Variants in DIPK1C observed in about 807,000 individuals in gnomAD.
The protein encoded by DIPK1C is familial non-conventional Alzheimer's dementia.
In DIPK1C, 33 loss-of-function variants were observed where a neutral mutation model predicts 28.0. The ratio of observed to expected loss-of-function variants is 1.18; its 90% CI spans 0.89 to 1.58. DIPK1C has a LOEUF of 1.58. Ranked by LOEUF, DIPK1C falls within the 40% of genes most tolerant of loss-of-function variation. The pLI is 0.00. For synonymous variants in DIPK1C, 255 were observed against 248.8 expected, an observed-to-expected ratio of 1.02 and a Z score of -0.23; for missense variants, 569 against 568.5, an observed-to-expected ratio of 1.00 and a Z score of -0.01.
At position 74,437,064 on chromosome 18, in the gene DIPK1C, C is replaced by T. The variant is rs191950740; in HGVS notation, c.1042-345G>A. 2.0e-5 allele frequency among the ~76,000 whole-genome samples: 3 copies of T among 152,288 alleles called. No homozygotes were observed. The East Asian group carries it at 5.8e-4, about 29-fold the overall frequency. ...GAGGAAGGGAAGCAGAAGTCACAGACAGTCACTGCTGCAGAAGGAGTTGGT... is the reference window on the plus strand; with the variant it reads ...GAGGAAGGGAAGCAGAAGTCACAGATAGTCACTGCTGCAGAAGGAGTTGGT... On this transcript the variant is annotated intron_variant, in intron 3 of 3. Transcript: ENST00000343998.
At chr18:74,457,331 C>T (rs1000747033), upstream of DIPK1C, 16 of 959,650 alleles carry the variant, frequency 1.7e-5, no homozygotes, top group African/African-American at 2.6e-4. Flanking sequence ...AGCTGCTCCG[C>T]GGCTCAGGCC....
intron 2 of DIPK1C, among the ~76,000 whole-genome samples, chr18:74,443,043 T>A (rs1041571916): frequency 2.0e-5 from 3 of 151,908 alleles, no homozygotes; most frequent in Non-Finnish European, 2.9e-5. Flanking sequence ...GACGACAAAG[T>A]GGGGGAAATA....
At chr18:74,462,001 A>G (rs1284126729), upstream of DIPK1C, among the ~76,000 whole-genome samples, 1 of 152,210 alleles carries the variant, frequency 6.6e-6, no homozygotes, top group Non-Finnish European at 1.5e-5. Flanking sequence ...GGCTCAAGGG[A>G]TCCTCCTGCC....
intron 1 of DIPK1C, among the ~76,000 whole-genome samples, chr18:74,452,132 T>C (rs1345931005): frequency 2.0e-5 from 3 of 152,222 alleles, no homozygotes; most frequent in Non-Finnish European, 2.9e-5. Context: ...CAGTTTCTAC[T>C]GAATGCATCT....
At chr18:74,442,141 AT>A in intron 2 of DIPK1C, 25 bp from the exon 3 acceptor site, 1 of 1,612,448 alleles carries the variant, frequency 6.2e-7, no homozygotes, top group Middle Eastern at 1.7e-4. Context: ...GCACGGGGCT[AT>A]CAAAGGGCTA....
chr18:74,460,381 A>G (rs1253561470), upstream of DIPK1C, among the ~76,000 whole-genome samples: 1 of 152,242 alleles, frequency 6.6e-6, no homozygotes, highest in Non-Finnish European at 1.5e-5. Context: ...TTGTTTTTAA[A>G]GCATACCATA....
upstream of DIPK1C, chr18:74,457,403 T>G (rs1446242898): frequency 1.8e-6 from 1 of 567,302 alleles, no homozygotes; most frequent in Admixed American, 6.4e-5. Context: ...GCCCCGCGCC[T>G]GGGGCGGAGG....
intron 1 of DIPK1C, among the ~76,000 whole-genome samples, chr18:74,453,448 G>A (rs1317426362): frequency 6.6e-6 from 1 of 152,208 alleles, no homozygotes; most frequent in African/African-American, 2.4e-5. Flanking sequence ...ATTCGCTGCT[G>A]AGAAATCTCT....
intron 3 of DIPK1C, among the ~76,000 whole-genome samples, chr18:74,441,259 A>T (rs9949663): frequency 6.6e-6 from 1 of 152,018 alleles, no homozygotes; most frequent in African/African-American, 2.4e-5. Context: ...CAACCAGGCC[A>T]TGGGGAAGGT....
chr18:74,452,997 T>C (rs1406723134), intron 1 of DIPK1C, among the ~76,000 whole-genome samples: 1 of 152,246 alleles, frequency 6.6e-6, no homozygotes, highest in Non-Finnish European at 1.5e-5. Flanking sequence ...TAAAGTCTCA[T>C]TGCAGCTAAC....
intron 3 of DIPK1C, among the ~76,000 whole-genome samples, chr18:74,441,538 G>T (rs1165835171): frequency 6.6e-6 from 1 of 152,192 alleles, no homozygotes; most frequent in African/African-American, 2.4e-5. Context: ...TGGCCTGTCT[G>T]GATGGTGGTT....
intron 1 of DIPK1C, among the ~76,000 whole-genome samples, chr18:74,451,997 C>A (rs1460332874): frequency 6.6e-6 from 1 of 152,316 alleles, no homozygotes; most frequent in South Asian, 2.1e-4. Flanking sequence ...CTTACGTCAG[C>A]CTATGGCAGG....
Position 74,446,864 on chromosome 18 carries a change from G to A in DIPK1C, c.618C>T (p.Ser206=). The A allele has an allele frequency of 4.6e-6, 7 of 1,517,530 alleles. No homozygotes were observed. The highest frequency in any genetic ancestry group is 6.2e-6 in the Non-Finnish European group (7 of 1,128,356). 94.0% of individuals were successfully genotyped at this position (1,517,530 alleles called of 1,614,324 possible). The stretch of plus-strand genomic sequence containing the variant: ...AACCCAGCACGGGCAGCACGTGTGG[G>A]CTCAGGTCCTGCAGCAGGCTGAAGT... ...YVYFSLLQDL[S]PHVLPVLGSC... The change falls in exon 2 of 4, where the codon AGC becomes AGT. Residue 206 remains serine, a synonymous_variant. Coordinates refer to ENST00000343998, the MANE Select transcript of DIPK1C (RefSeq NM_001044369.3).
chr18:74,438,638 A>G (rs1443764475), intron 3 of DIPK1C, among the ~76,000 whole-genome samples: 1 of 152,186 alleles, frequency 6.6e-6, no homozygotes, highest in African/African-American at 2.4e-5. Flanking sequence ...TGAATGGTCA[A>G]GTTTATATTT....
At position 74,442,031 on chromosome 18, in the gene DIPK1C, C is replaced by T; in HGVS notation, c.962G>A (p.Cys321Tyr). The change falls in exon 3 of 4, where the codon TGC (cysteine) becomes TAC (tyrosine). Residue 321 changes from cysteine (C) to tyrosine (Y), a missense_variant. Transcript: ENST00000343998. ...LEQNCTGDED[C>Y]NFFDCFSRCD... is the part of the protein sequence containing the mutation. ...TCTTGAAAAACAGTCAAAGAAATTGCAGTCTTCATCTCCTGTGCAGTTTTG... is the reference window on the plus strand; with the variant it reads ...TCTTGAAAAACAGTCAAAGAAATTGTAGTCTTCATCTCCTGTGCAGTTTTG... 1 of 1,614,140 alleles carries T rather than the reference C, an allele frequency of 6.2e-7. No individual in the cohort carries two copies. The highest frequency in any genetic ancestry group is 8.5e-7 in the Non-Finnish European group (1 of 1,180,018).
At chr18:74,458,369 G>C (rs570094336), upstream of DIPK1C, among the ~76,000 whole-genome samples, 1 of 152,262 alleles carries the variant, frequency 6.6e-6, no homozygotes, top group South Asian at 2.1e-4. Flanking sequence ...CACATGACCC[G>C]TTCCCGAGTT....
chr18:74,445,852 G>A (rs1193733264), intron 2 of DIPK1C, among the ~76,000 whole-genome samples: 1 of 152,236 alleles, frequency 6.6e-6, no homozygotes, highest in Non-Finnish European at 1.5e-5. Flanking sequence ...GACTGGCACA[G>A]CGTGAGGGCA....
the DIPK1C span, among the ~76,000 whole-genome samples, chr18:74,463,566 T>A: frequency 6.6e-6 from 1 of 152,128 alleles, no homozygotes; most frequent in Non-Finnish European, 1.5e-5. Context: ...TGATGCTTGA[T>A]GCTACTCCTT....
chr18:74,456,711 T>C (rs1986522476), intron 1 of DIPK1C, among the ~76,000 whole-genome samples: 1 of 152,124 alleles, frequency 6.6e-6, no homozygotes, highest in African/African-American at 2.4e-5. Context: ...CCCGGCGGCC[T>C]GACACCGGAC....
Sources: gnomAD v4.1 joint callset for allele counts (sites outside exome capture counted in the v4.1 genomes callset) on GRCh38, gnomAD v4.1.1 for gene constraint, MANE v1.5 for transcripts, NCBI Gene and HGNC (gene_info 2026-07-23, HGNC 2026-07-21) for gene names.